Variants in GABBR2 observed in about 807,000 individuals in gnomAD.
GABBR2 encodes G-protein coupled receptor 51.
A neutral mutation model predicts 105.6 loss-of-function variants in GABBR2; 23 were observed. That is an observed-to-expected ratio of 0.22 (90% CI 0.16 to 0.31). The LOEUF is 0.31. Ranked by LOEUF, GABBR2 falls within the 10% of genes least tolerant of loss-of-function variation. GABBR2 has a pLI of 1.00. For missense variants in GABBR2, 734 were observed against 1,245.5 expected (o/e 0.59, Z 6.18); for synonymous variants, 478 against 499.7 (o/e 0.96, Z 0.58).
intron 13 of GABBR2, among the ~76,000 whole-genome samples, chr9:98,347,577 T>A (rs1416027349): frequency 6.6e-6 from 1 of 152,232 alleles, no homozygotes; most frequent in Non-Finnish European, 1.5e-5. Context: ...TTTCGTTTCA[T>A]ATAGTCCAAT....
At position 98,573,125 on chromosome 9, in the gene GABBR2, A is replaced by G. The variant is rs557731531; in HGVS notation, c.459+4810T>C. ...CGTCCACCTATCCTCTGCACTTAGC[A>G]CATTTCAGTACTCAGTGAGGACCTA... On this transcript the variant is annotated intron_variant, in intron 2 of 18. Transcript: ENST00000259455. Among the ~76,000 whole-genome samples the G allele has an allele frequency of 1.6e-4, 25 of 152,246 alleles. 1 individual carries two copies. The South Asian group carries it at 5.2e-3, about 32-fold the overall frequency.
chr9:98,315,690 C>T (rs916364150), intron 13 of GABBR2, among the ~76,000 whole-genome samples: 2 of 152,220 alleles, frequency 1.3e-5, no homozygotes, highest in African/African-American at 2.4e-5. Flanking sequence ...TTGTCATTGT[C>T]GTGCACCAAA....
At chr9:98,532,753 G>T (rs7855197) in intron 3 of GABBR2, among the ~76,000 whole-genome samples, 4 of 152,192 alleles carry the variant, frequency 2.6e-5, no homozygotes, top group African/African-American at 9.6e-5. Context: ...TGATGATGCT[G>T]GTCCAGGGAC....
intron 1 of GABBR2, among the ~76,000 whole-genome samples, chr9:98,578,885 C>T (rs1002431815): frequency 6.6e-6 from 1 of 152,180 alleles, no homozygotes; most frequent in Non-Finnish European, 1.5e-5. Context: ...TGATCCCACT[C>T]ATATGAGGTT....
intron 17 of GABBR2, among the ~76,000 whole-genome samples, chr9:98,298,654 G>C (rs574392166): frequency 6.6e-6 from 1 of 152,188 alleles, no homozygotes; most frequent in Non-Finnish European, 1.5e-5. Context: ...ATGGGGTCTT[G>C]CTATGCTGTC....
Position 98,350,665 on chromosome 9 carries a change from C to G in GABBR2, c.1893+12050G>C, listed in dbSNP as rs138712429. 3.6e-3 allele frequency among the ~76,000 whole-genome samples: 547 copies of G among 152,254 alleles called. 2 individuals carry two copies. The highest frequency in any genetic ancestry group is 0.013 in the African/African-American group (528 of 41,534). On this transcript the variant is annotated intron_variant, in intron 13 of 18. Transcript: ENST00000259455. ...CTTGTTTTGTGGCCTAACATATGGT[C>G]TGTCCTGGAGAATGTTCCATGTGTT...
chr9:98,303,905 C>A (rs1037723111), intron 15 of GABBR2, among the ~76,000 whole-genome samples: 2 of 152,252 alleles, frequency 1.3e-5, no homozygotes, highest in African/African-American at 2.4e-5. Flanking sequence ...CAGCTTAAAA[C>A]AACACATGGT....
intron 5 of GABBR2, among the ~76,000 whole-genome samples, chr9:98,478,159 C>T (rs1308411273): frequency 6.6e-6 from 1 of 152,232 alleles, no homozygotes; most frequent in East Asian, 1.9e-4. Flanking sequence ...CATTGGGTGG[C>T]AGTTCCAATC....
At chr9:98,472,359 T>C (rs1367627760) in intron 6 of GABBR2, among the ~76,000 whole-genome samples, 2 of 152,306 alleles carry the variant, frequency 1.3e-5, no homozygotes, top group South Asian at 4.1e-4. Context: ...AATAGCCCTA[T>C]GAGATAAGCA....
At chr9:98,629,775 G>C (rs1348541166) in intron 1 of GABBR2, among the ~76,000 whole-genome samples, 1 of 152,106 alleles carries the variant, frequency 6.6e-6, no homozygotes, top group African/African-American at 2.4e-5. Context: ...TGGAAAATTT[G>C]GGACAATGAA....
At chr9:98,320,593 G>A (rs1036836962) in intron 13 of GABBR2, among the ~76,000 whole-genome samples, 10 of 152,130 alleles carry the variant, frequency 6.6e-5, no homozygotes, top group Non-Finnish European at 7.3e-5. Flanking sequence ...GTCCAACAAC[G>A]ATAGACTGGG....
rs1832685831 is a variant in GABBR2, at chr9:98,416,101, A to C, written c.1237-9960T>G. On this transcript the variant is annotated intron_variant, in intron 7 of 18. Coordinates refer to ENST00000259455, the MANE Select transcript of GABBR2 (RefSeq NM_005458.8). ...AGTGTTTGCCAATTTCCGTGGTGTA[A>C]ATACACCCACCATGGTAGATTTCAA... Among the ~76,000 whole-genome samples the C allele has an allele frequency of 3.3e-5, 5 of 152,098 alleles. No homozygotes were observed. The South Asian group carries it at 1.0e-3, about 32-fold the overall frequency.
At chr9:98,664,190 C>T (rs1264463769) in intron 1 of GABBR2, among the ~76,000 whole-genome samples, 3 of 152,186 alleles carry the variant, frequency 2.0e-5, no homozygotes, top group Non-Finnish European at 4.4e-5. Context: ...CTGTTTCTCC[C>T]ACTTTCCTAG....
intron 17 of GABBR2, among the ~76,000 whole-genome samples, chr9:98,296,286 G>A (rs1830381159): frequency 6.6e-6 from 1 of 152,214 alleles, no homozygotes; most frequent in African/African-American, 2.4e-5. Context: ...TGCCATCTCA[G>A]AAGTGGAGGC....
At chr9:98,533,220 T>C (rs2779593) in intron 3 of GABBR2, among the ~76,000 whole-genome samples, 146,722 of 152,272 alleles carry the variant, frequency 0.96, 70,745 homozygotes, top group African/African-American at 0.99. Context: ...ACTGCTTACT[T>C]TTCCAGAGCA....
At chr9:98,364,432 C>T (rs929036462) in intron 12 of GABBR2, among the ~76,000 whole-genome samples, 2 of 152,180 alleles carry the variant, frequency 1.3e-5, no homozygotes, top group African/African-American at 4.8e-5. Context: ...TACTCCTACC[C>T]TGATTTCAAG....
At chr9:98,557,525 T>C (rs1228204392) in intron 2 of GABBR2, among the ~76,000 whole-genome samples, 1 of 151,864 alleles carries the variant, frequency 6.6e-6, no homozygotes, top group Non-Finnish European at 1.5e-5. Flanking sequence ...TATTCAAGAG[T>C]GAATCAAAAT....
intron 13 of GABBR2, among the ~76,000 whole-genome samples, chr9:98,341,128 A>C (rs1384491908): frequency 1.3e-5 from 2 of 152,232 alleles, no homozygotes; most frequent in Non-Finnish European, 2.9e-5. Flanking sequence ...ACATAAGGGA[A>C]GCCAACAAGG....
intron 4 of GABBR2, among the ~76,000 whole-genome samples, chr9:98,491,949 G>A (rs1285071244): frequency 2.6e-5 from 4 of 152,092 alleles, no homozygotes; most frequent in African/African-American, 9.7e-5. Flanking sequence ...TCAGACTTCA[G>A]GATTAGCTTC....
Sources: gnomAD v4.1 joint callset for allele counts (sites outside exome capture counted in the v4.1 genomes callset) on GRCh38, gnomAD v4.1.1 for gene constraint, MANE v1.5 for transcripts, NCBI Gene and HGNC (gene_info 2026-07-23, HGNC 2026-07-21) for gene names.